Variants in NOTCH1 observed in about 807,000 individuals in gnomAD.
NOTCH1 encodes the protein neurogenic locus notch homolog protein 1.
A neutral mutation model predicts 254.8 loss-of-function variants in NOTCH1; 37 were observed. The observed-to-expected ratio is 0.15, with a 90% CI of 0.11 to 0.19. The LOEUF (loss-of-function observed/expected upper bound fraction) is 0.19, where lower values mean the gene tolerates loss of function less well. Ranked by LOEUF, NOTCH1 falls within the 10% of genes least tolerant of loss-of-function variation. The pLI, the probability that NOTCH1 is intolerant of heterozygous loss-of-function variation, is 1.00. For synonymous variants in NOTCH1, 1,731 were observed against 1,618.1 expected (o/e 1.07, Z -1.68); for missense variants, 2,972 against 3,708.6 (o/e 0.80, Z 5.16).
intron 9 of NOTCH1, 55 bp downstream of exon 9, chr9:136,517,217 C>A: frequency 8.4e-7 from 1 of 1,189,622 alleles, no homozygotes; most frequent in Non-Finnish European, 1.2e-6. Flanking sequence ...CCAGGCACCC[C>A]TCAGGAGGCC....
chr9:136,518,520 G>A (rs775574316), intron 6 of NOTCH1, 71 bp downstream of exon 6: 70 of 1,414,106 alleles, frequency 5.0e-5, no homozygotes, highest in Non-Finnish European at 6.5e-5. Flanking sequence ...CACAGTCCCT[G>A]GGTGAGGTCA....
In NOTCH1 at chr9:136,503,230, C is replaced by T. The variant is rs1216073441; in HGVS notation, c.5119G>A (p.Ala1707Thr). 3.7e-6 allele frequency: 6 copies of T among 1,612,808 alleles called. No individual in the cohort carries two copies. The highest frequency in any genetic ancestry group is 2.2e-5 in the South Asian group (2 of 91,072). The change falls in exon 27 of 34, where the codon GCC (alanine) becomes ACC (threonine). Residue 1707 changes from alanine to threonine, a missense_variant. Coordinates refer to ENST00000651671, the MANE Select transcript of NOTCH1 (RefSeq NM_017617.5). ...GGGATGTTGAGGCTGCCCAGCGAGG[C>T]GAGCGCTCCCAGGAATGCGGCCACG... Reference protein sequence around the residue: ...TDVAAFLGALASLGSLNIPYK... With the variant: ...TDVAAFLGALTSLGSLNIPYK...
At chr9:136,538,811 C>T (rs766567052) in intron 2 of NOTCH1, among the ~76,000 whole-genome samples, 1 of 152,230 alleles carries the variant, frequency 6.6e-6, no homozygotes, top group Non-Finnish European at 1.5e-5. Flanking sequence ...TGGGTAACAG[C>T]GGCGTCCTGA....
rs768642611 is a variant in NOTCH1 at position 136,523,769 on chromosome 9, G to A, written c.351C>T (p.Cys117=). Residue 117 remains cysteine, a synonymous_variant, in exon 3 of 34, where the codon TGC becomes TGT. Transcript: ENST00000651671. ...TGTACTCCGTCAGCGTGAGCAGGTC[G>A]CAGGTGCCCCCGTTGCGGCAGGGGT... ...LTNPCRNGGT[C]DLLTLTEYKC... 39 of 1,611,530 alleles carry A rather than the reference G, an allele frequency of 2.4e-5. No homozygotes were observed. Among genetic ancestry groups the A allele is most frequent in the East Asian group, 1.1e-4 (5 of 44,864 alleles).
chr9:136,505,315 C>T lies in NOTCH1; in HGVS notation c.4581G>A (p.Gln1527=), dbSNP rs2133338476. The T allele has an allele frequency of 1.9e-6, 3 of 1,573,404 alleles. No homozygotes were observed. The South Asian group carries it at 3.5e-5, about 18-fold the overall frequency. The change falls in exon 25 of 34, where the codon CAG becomes CAA. Residue 1527 remains glutamine, a synonymous_variant. Coordinates refer to ENST00000651671, the MANE Select transcript of NOTCH1 (RefSeq NM_017617.5). The part of the protein sequence containing the change: ...DGFDCQRAEG[Q]CNPLYDQYCK... ...CATGAGCCCCGCAGCCTTACTTGCA[C>T]TGGCCTTCCGCACGCTGGCAGTCAA... is the stretch of plus-strand genomic sequence containing the variant.
chr9:136,519,625 AC>A, intron 4 of NOTCH1, 60 bp from the exon 5 acceptor site: 1 of 1,610,070 alleles, frequency 6.2e-7, no homozygotes, highest in Non-Finnish European at 8.5e-7. Context: ...TCCTGCCTGG[AC>A]CCCCGACACA....
chr9:136,515,273 C>T lies in NOTCH1; in HGVS notation c.2014+17G>A, dbSNP rs117807334. On this transcript the variant is annotated intron_variant, in intron 12 of 33. Transcript: ENST00000651671. Reference sequence around the variant, plus strand: ...CTGAGCACAGTGCAGTCAGCCCCCACGTGCAGGGCCGCTCACCTGTGTAGC... The same window carrying T: ...CTGAGCACAGTGCAGTCAGCCCCCATGTGCAGGGCCGCTCACCTGTGTAGC... The T allele has an allele frequency of 1.3e-4, 214 of 1,609,530 alleles. No homozygotes were observed. In the East Asian group the frequency reaches 2.1e-3, roughly 16 times the overall value.
At chr9:136,524,092 C>T (rs1452790891) in intron 2 of NOTCH1, 113 bp from the exon 3 acceptor site, 11 of 1,349,938 alleles carry the variant, frequency 8.1e-6, no homozygotes, top group Admixed American at 5.9e-5. Context: ...ACCCCGGGCA[C>T]GGGCACAACG....
At position 136,494,685 on chromosome 9, in the gene NOTCH1, C is replaced by T. The variant is rs1472797869; in HGVS notation, c.*1386G>A. On this transcript the variant is annotated 3_prime_UTR_variant, in exon 34 of 34. Coordinates refer to ENST00000651671, the MANE Select transcript of NOTCH1 (RefSeq NM_017617.5). ...CTGAGGAGTGCAGGCGGCACGGCAG[C>T]GGAGCGTCCCCAGTGCATGGGCGGC... 2.5e-6 allele frequency: 1 copy of T among 398,700 alleles called. No homozygotes were observed. The highest frequency in any genetic ancestry group is 4.4e-6 in the Non-Finnish European group (1 of 226,006). The allele number at this position is 398,700 out of a possible 1,614,324, so 24.7% of individuals were successfully genotyped here.
chr9:136,504,774 G>T lies in NOTCH1; in HGVS notation c.4917C>A (p.Ala1639=). 2 of 1,552,270 alleles carry T rather than the reference G, an allele frequency of 1.3e-6. No homozygotes were observed. The highest frequency in any genetic ancestry group is 1.7e-6 in the Non-Finnish European group (2 of 1,148,360). The change falls in exon 26 of 34, where the codon GCC becomes GCA. Residue 1639 remains alanine (A), a synonymous_variant. Coordinates refer to ENST00000651671, the MANE Select transcript of NOTCH1 (RefSeq NM_017617.5). ...HPIKRAAEGW[A]APDALLGQVK... ...CCTGGCCCAGCAGGGCGTCAGGTGCGGCCCAGCCCTCGGCGGCACGCTTGA... is the reference window on the plus strand; with the variant it reads ...CCTGGCCCAGCAGGGCGTCAGGTGCTGCCCAGCCCTCGGCGGCACGCTTGA...
At chr9:136,515,766 CG>C in intron 10 of NOTCH1, 50 bp from the exon 11 acceptor site, 1 of 1,493,118 alleles carries the variant, frequency 6.7e-7, no homozygotes, top group South Asian at 1.2e-5. Flanking sequence ...TGGCGGCCCC[CG>C]GGACACCCAT....
At chr9:136,510,465 C>A in intron 17 of NOTCH1, 188 bp downstream of exon 17, 1 of 707,006 alleles carries the variant, frequency 1.4e-6, no homozygotes, top group East Asian at 2.7e-5. Context: ...AGGAGCAAGC[C>A]GGCTCTGGGG....
intron 4 of NOTCH1, 107 bp downstream of exon 4, chr9:136,522,743 G>T: frequency 8.9e-7 from 1 of 1,119,028 alleles, no homozygotes. Flanking sequence ...CCAACTCCCC[G>T]CCATGGGCCC....
At chr9:136,522,265 C>A (rs1263583336) in intron 4 of NOTCH1, among the ~76,000 whole-genome samples, 3 of 152,216 alleles carry the variant, frequency 2.0e-5, no homozygotes. Context: ...GCGTGAGCCA[C>A]CACGCGCGGC....
At chr9:136,514,834 T>A (rs1843237339) in intron 12 of NOTCH1, 132 bp from the exon 13 acceptor site, 1 of 975,780 alleles carries the variant, frequency 1.0e-6, no homozygotes, top group Non-Finnish European at 1.6e-6. Flanking sequence ...TCAGAAACCA[T>A]CTTGGATCAC....
chr9:136,539,057 T>A (rs1564213252), intron 2 of NOTCH1, among the ~76,000 whole-genome samples: 1 of 152,234 alleles, frequency 6.6e-6, no homozygotes, highest in Admixed American at 6.5e-5. Flanking sequence ...CCGGCTCCTG[T>A]GGGGTCTCCA....
intron 2 of NOTCH1, chr9:136,543,071 G>C (rs1259339251): frequency 6.5e-6 from 1 of 153,576 alleles, no homozygotes; most frequent in Non-Finnish European, 1.5e-5. Context: ...ACAGAAACCA[G>C]ACTCAATAAT....
rs1843806090 is a variant in NOTCH1 at position 136,545,717 on chromosome 9, G to A, written c.61+9C>T. The A allele has an allele frequency of 1.4e-6, 2 of 1,439,004 alleles. No individual in the cohort carries two copies. Among genetic ancestry groups the A allele is most frequent in the South Asian group, 2.7e-5 (2 of 74,198 alleles). 89.1% of individuals were successfully genotyped at this position (1,439,004 alleles called of 1,614,324 possible). A position where few individuals can be genotyped will look rare whatever the true frequency, so the allele number is the denominator to read the frequency against. ...GAAAGTGGGGGCTCGCGGGTGGGTG[G>A]GCGCCTACCTCGTGCGGCGAGCGCG... On this transcript the variant is annotated intron_variant, in intron 1 of 33. Coordinates refer to ENST00000651671, the MANE Select transcript of NOTCH1 (RefSeq NM_017617.5). The surrounding 1 kb of genome is among the most constrained non-coding windows in gnomAD (Gnocchi z 6.8).
rs754942951 is a variant in NOTCH1, at chr9:136,501,701, C to T, written c.5638+47G>A. 65 of 1,602,828 alleles carry T rather than the reference C, an allele frequency of 4.1e-5. 1 individual carries two copies. Among genetic ancestry groups the T allele is most frequent in the Non-Finnish European group, 4.5e-5 (53 of 1,177,358 alleles). Reference sequence around the variant, plus strand: ...AGCCTCGGGGCTTAGGGGAGAGAGGCAGGTGGGCCACGGGGCTAGGGAAGC... The same window carrying T: ...AGCCTCGGGGCTTAGGGGAGAGAGGTAGGTGGGCCACGGGGCTAGGGAAGC... On this transcript the variant is annotated intron_variant, in intron 30 of 33. Coordinates refer to ENST00000651671, the MANE Select transcript of NOTCH1 (RefSeq NM_017617.5).
Sources: gnomAD v4.1 joint callset for allele counts (sites outside exome capture counted in the v4.1 genomes callset) on GRCh38, gnomAD v4.1.1 for gene constraint, Gnocchi (gnomAD v3.1) non-coding constraint, MANE v1.5 for transcripts, NCBI Gene and HGNC (gene_info 2026-07-23, HGNC 2026-07-21) for gene names.